Variants in AFF2 observed in about 807,000 individuals in gnomAD.
AFF2 encodes the protein AF4/FMR2 family member 2.
AFF2 carries 14 observed loss-of-function variants against 76.9 expected under a neutral mutation model. The observed-to-expected ratio is 0.18, with a 90% CI of 0.12 to 0.28. The LOEUF (loss-of-function observed/expected upper bound fraction) is 0.28, where lower values mean the gene tolerates loss of function less well. Ranked by LOEUF, AFF2 falls within the 10% of genes least tolerant of loss-of-function variation. The pLI is 1.00. For synonymous variants in AFF2, 398 were observed against 366.7 expected (o/e 1.09, Z -0.98); for missense variants, 868 against 1,001.1 (o/e 0.87, Z 1.79).
intron 3 of AFF2, among the ~76,000 whole-genome samples, chrX:148,758,047 T>C (rs927413532): frequency 8.9e-6 from 1 of 112,341 alleles, no homozygotes; most frequent in Non-Finnish European, 1.9e-5. Context: ...CCTGCTGTTA[T>C]TAAAAAGTAC....
chrX:148,952,940 A>T (rs2071986993), intron 9 of AFF2, among the ~76,000 whole-genome samples: 1 of 111,224 alleles, frequency 9.0e-6, no homozygotes, highest in African/African-American at 3.3e-5. Flanking sequence ...GCTGAGCGCC[A>T]GGCCCTCAGC....
At chrX:148,863,829 A>G (rs988579273) in intron 7 of AFF2, among the ~76,000 whole-genome samples, 9 of 111,788 alleles carry the variant, frequency 8.1e-5, no homozygotes, top group African/African-American at 2.6e-4. Context: ...GTGTGAAGAA[A>G]TGTATATTTT....
At chrX:148,778,328 C>T (rs2069694449) in intron 3 of AFF2, among the ~76,000 whole-genome samples, 2 of 111,059 alleles carry the variant, frequency 1.8e-5, no homozygotes, top group African/African-American at 6.6e-5. Context: ...TTTGTTGTGT[C>T]TCTGCCAGGT....
intron 19 of AFF2, among the ~76,000 whole-genome samples, chrX:148,985,363 G>A (rs1405977607): frequency 9.4e-5 from 8 of 85,186 alleles, no homozygotes; most frequent in Non-Finnish European, 1.3e-4. Flanking sequence ...GCACAGTTGT[G>A]CGATCATGGC....
chrX:148,957,257 G>C (rs2072052491), intron 11 of AFF2, among the ~76,000 whole-genome samples: 1 of 111,344 alleles, frequency 9.0e-6, no homozygotes, highest in African/African-American at 3.3e-5. Flanking sequence ...ATGATATTCA[G>C]GTAATCTTAT....
Position 148,662,801 on chromosome X carries a change from CTTT to C in AFF2, c.1041+39_1041+41del, listed in dbSNP as rs782180302. 33 of 1,178,263 alleles carry C rather than the reference CTTT, an allele frequency of 2.8e-5. No individual in the cohort carries two copies. In the East Asian group the frequency reaches 9.5e-4, roughly 34 times the overall value. On this transcript the variant is annotated intron_variant, in intron 3 of 20. Transcript: ENST00000370460. Reference sequence around the variant, plus strand: ...ATTTTTAAAGTTTTGTTTGGTTTCACTTTTTTTTAGTTCTCTGCTCTAACCTCT... The same window carrying C: ...ATTTTTAAAGTTTTGTTTGGTTTCACTTTTTAGTTCTCTGCTCTAACCTCT...
intron 3 of AFF2, among the ~76,000 whole-genome samples, chrX:148,761,998 GATATAGAT>G (rs2069451415): frequency 3.0e-5 from 3 of 101,074 alleles, no homozygotes; most frequent in African/African-American, 4.1e-5. Context: ...TATAGATATA[GATATAGAT>G]ATAGATAGAT....
At chrX:148,812,300 C>T (rs962787272) in intron 4 of AFF2, among the ~76,000 whole-genome samples, 10 of 110,883 alleles carry the variant, frequency 9.0e-5, no homozygotes, top group Admixed American at 2.9e-4. Flanking sequence ...TATCTTTCTC[C>T]CTACCTCTCC....
intron 1 of AFF2, among the ~76,000 whole-genome samples, chrX:148,574,944 GT>G (rs1557243182): frequency 1.4e-3 from 19 of 13,942 alleles, no homozygotes; most frequent in East Asian, 0.018. Flanking sequence ...TAGTGCTGGG[GT>G]GTGTGTGTGT....
At chrX:148,934,090 T>C (rs1276305444) in intron 9 of AFF2, among the ~76,000 whole-genome samples, 5 of 112,782 alleles carry the variant, frequency 4.4e-5, no homozygotes, top group Admixed American at 3.7e-4. Context: ...CACACAGCAT[T>C]CACACACATC....
At chrX:148,835,736 G>A (rs145499615) in intron 4 of AFF2, among the ~76,000 whole-genome samples, 130 of 109,705 alleles carry the variant, frequency 1.2e-3, no homozygotes, top group African/African-American at 4.0e-3. Flanking sequence ...ACCCACCTCG[G>A]GCTCCCAAAG....
chrX:148,821,865 C>T (rs782323162), intron 4 of AFF2, among the ~76,000 whole-genome samples: 2 of 111,381 alleles, frequency 1.8e-5, no homozygotes, highest in Non-Finnish European at 1.9e-5. Flanking sequence ...CATACATGCA[C>T]ACAAAGGTGA....
chrX:148,546,999 C>A (rs2052928443), intron 1 of AFF2: 1 of 112,303 alleles, frequency 8.9e-6, no homozygotes, highest in Admixed American at 9.4e-5. Flanking sequence ...AAGATATTGA[C>A]CTTGCCCTCA....
chrX:148,705,445 C>T (rs1199007613), intron 3 of AFF2, among the ~76,000 whole-genome samples: 1 of 112,052 alleles, frequency 8.9e-6, no homozygotes, highest in African/African-American at 3.2e-5. Flanking sequence ...GCAGTGATCA[C>T]GTTGCAGTTG....
intron 3 of AFF2, among the ~76,000 whole-genome samples, chrX:148,694,676 T>C (rs1300235495): frequency 2.7e-5 from 3 of 111,958 alleles, no homozygotes; most frequent in African/African-American, 9.8e-5. Flanking sequence ...CCTGCTAATG[T>C]CATTTAATTT....
intron 9 of AFF2, among the ~76,000 whole-genome samples, chrX:148,942,696 G>A (rs868980654): frequency 6.4e-5 from 7 of 110,023 alleles, no homozygotes; most frequent in Middle Eastern, 4.6e-3. Flanking sequence ...CACACTTGTG[G>A]TCCCAGCTAC....
chrX:148,752,930 C>T (rs782234657), intron 3 of AFF2, among the ~76,000 whole-genome samples: 6 of 111,684 alleles, frequency 5.4e-5, no homozygotes, highest in East Asian at 2.8e-4. Context: ...TGTACACTTT[C>T]GCAACATTAA....
chrX:148,929,645 A>G (rs782525179), intron 9 of AFF2, among the ~76,000 whole-genome samples: 37 of 111,868 alleles, frequency 3.3e-4, no homozygotes, highest in African/African-American at 1.2e-3. Context: ...CACCCCAAGA[A>G]TTCATGCCTG....
chrX:148,553,014 C>A (rs5936212), intron 1 of AFF2, among the ~76,000 whole-genome samples: 1 of 110,639 alleles, frequency 9.0e-6, no homozygotes, highest in Non-Finnish European at 1.9e-5. Flanking sequence ...GGGAATTGCA[C>A]CAAAGATCTG....
Sources: allele counts gnomAD v4.1 joint callset (sites outside exome capture counted in the v4.1 genomes callset), GRCh38; gene constraint gnomAD v4.1.1; transcripts MANE v1.5; gene names NCBI Gene and HGNC (gene_info 2026-07-23, HGNC 2026-07-21).